Variants in IRS1 observed in about 807,000 individuals in gnomAD.
The protein encoded by IRS1 is insulin receptor substrate 1.
Under a neutral mutation model 65.6 loss-of-function variants are expected in IRS1, and 34 were observed. That is an observed-to-expected ratio of 0.52 (90% confidence interval 0.39 to 0.69). The LOEUF is 0.69. Among genes scored for constraint, IRS1 ranks in the 30% least tolerant of loss-of-function variants. The pLI is 0.00. For missense variants in IRS1, 1,641 were observed against 1,720.2 expected (o/e 0.95, Z 0.81); for synonymous variants, 699 against 683.5 (o/e 1.02, Z -0.35).
intron 1 of IRS1, among the ~76,000 whole-genome samples, chr2:226,764,752 A>G (rs906533634): frequency 8.5e-5 from 13 of 152,134 alleles, no homozygotes; most frequent in African/African-American, 2.9e-4. Flanking sequence ...TCCTCGCGCA[A>G]TTCACCTCTT....
chr2:226,797,204 G>A lies in IRS1; in HGVS notation c.1535C>T (p.Ala512Val), dbSNP rs769456251. 4 of 1,613,818 alleles carry A rather than the reference G, an allele frequency of 2.5e-6. No individual in the cohort carries two copies. The highest frequency in any genetic ancestry group is 3.3e-5 in the Admixed American group (2 of 60,024). The part of the protein sequence containing the change: ...TSPALAGDEA[A>V]SAADLDNRFR... ...CCGATTATCCAGATCTGCAGCACTG[G>A]CTGCTTCATCCCCAGCCAAGGCTGG... Residue 512 changes from alanine (A) to valine (V), a missense_variant, in exon 1 of 2, where the codon GCC becomes GTC. Ala to Val is a moderately conservative substitution (Grantham distance 64). Around this residue, in one of 3 missense-constraint regions of IRS1, gnomAD observed 1,324 missense variants for 1,361.0 expected, o/e 0.97. Coordinates refer to ENST00000305123, the MANE Select transcript of IRS1 (RefSeq NM_005544.3). This position sits in a 1 kb window ranked among gnomAD's most constrained non-coding sequence, Gnocchi z 8.1.
Position 226,796,453 on chromosome 2 carries a change from G to C in IRS1, c.2286C>G (p.Leu762=). The C allele has an allele frequency of 1.2e-6, 2 of 1,613,874 alleles. No homozygotes were observed. Among genetic ancestry groups the C allele is most frequent in the Non-Finnish European group, 1.7e-6 (2 of 1,180,046 alleles). ...AGGATCTTGGCAATGAGTAGTAGGA[G>C]AGGACTGGCTTGTGCTGGGGGTCCT... The part of the protein sequence containing the change: ...GPEDPQHKPV[L]SYYSLPRSFK... Residue 762 remains leucine, a synonymous_variant, in exon 1 of 2, where the codon CTC becomes CTG. Transcript: ENST00000305123.
In IRS1 at chr2:226,798,730, G is replaced by A. The variant is rs1939817639; in HGVS notation, c.9C>T (p.Ser3=). The change falls in exon 1 of 2, where the codon AGC becomes AGT. Residue 3 remains serine (S), a synonymous_variant. Coordinates refer to ENST00000305123, the MANE Select transcript of IRS1 (RefSeq NM_005544.3). This position sits in a 1 kb window ranked among gnomAD's most constrained non-coding sequence, Gnocchi z 9.4. The stretch of plus-strand genomic sequence containing the variant: ...CCGAGAAGCCATCGCTCTCCGGAGG[G>A]CTCGCCATGCTGCCACCGCCACCAC... MA[S]PPESDGFSDV... The A allele has an allele frequency of 1.9e-6, 3 of 1,611,082 alleles. No homozygotes were observed. Among genetic ancestry groups the A allele is most frequent in the African/African-American group, 2.7e-5 (2 of 74,910 alleles).
intron 1 of IRS1, among the ~76,000 whole-genome samples, chr2:226,771,140 C>T (rs1038162720): frequency 6.6e-6 from 1 of 152,014 alleles, no homozygotes; most frequent in African/African-American, 2.4e-5. Context: ...TAAAGGTTAC[C>T]CTATTTTTAT....
chr2:226,756,336 C>T (rs1938800242), intron 1 of IRS1, among the ~76,000 whole-genome samples: 1 of 152,106 alleles, frequency 6.6e-6, no homozygotes, highest in Admixed American at 6.5e-5. Context: ...TGAAACATCC[C>T]TAGTCAGTGA....
chr2:226,773,778 C>T (rs1163140959), intron 1 of IRS1, among the ~76,000 whole-genome samples: 1 of 152,106 alleles, frequency 6.6e-6, no homozygotes, highest in Admixed American at 6.6e-5. Context: ...TCACATCTCC[C>T]CCAGGAAGGC....
chr2:226,761,507 A>G (rs2106167003), intron 1 of IRS1, among the ~76,000 whole-genome samples: 1 of 152,176 alleles, frequency 6.6e-6, no homozygotes, highest in East Asian at 1.9e-4. Flanking sequence ...ATACTTTCCT[A>G]CTTTGCTATA....
chr2:226,766,163 A>ATTTTTTT (rs5839180), intron 1 of IRS1, among the ~76,000 whole-genome samples: 9 of 4,596 alleles, frequency 2.0e-3, no homozygotes, highest in East Asian at 0.013. Context: ...ATATATATAT[A>ATTTTTTT]TTTTTTTTTT....
chr2:226,766,182 G>T (rs1425741439), intron 1 of IRS1, among the ~76,000 whole-genome samples: 5 of 5,528 alleles, frequency 9.0e-4, no homozygotes, highest in East Asian at 7.1e-3. Flanking sequence ...TTTTTTTTTT[G>T]AGACAGGGTC....
At chr2:226,789,329 T>C (rs1461514005) in intron 1 of IRS1, among the ~76,000 whole-genome samples, 2 of 152,198 alleles carry the variant, frequency 1.3e-5, no homozygotes, top group African/African-American at 4.8e-5. Context: ...CTGAATATAT[T>C]GGCAACTCAA....
At chr2:226,741,865 C>T (rs912826111) in intron 1 of IRS1, among the ~76,000 whole-genome samples, 3 of 149,990 alleles carry the variant, frequency 2.0e-5, no homozygotes, top group Non-Finnish European at 4.4e-5. Flanking sequence ...TCTCAAATAC[C>T]TTTATAGTTC....
rs1939708800 is a variant in IRS1 at position 226,795,812 on chromosome 2, C to G, written c.2927G>C (p.Cys976Ser). ...GCTGGGCACTGCCCGGGTAGGCCTG[C>G]AAATGCTAGCAGCCCCGGGAGGTGC... ...GPAPPGAASI[C>S]RPTRAVPSSR... Residue 976 changes from cysteine to serine, a missense_variant, in exon 1 of 2, where the codon TGC (cysteine) becomes TCC (serine). Around this residue, in one of 3 missense-constraint regions of IRS1, gnomAD observed 1,324 missense variants for 1,361.0 expected, o/e 0.97. Coordinates refer to ENST00000305123, the MANE Select transcript of IRS1 (RefSeq NM_005544.3). 1 of 1,612,970 alleles carries G rather than the reference C, an allele frequency of 6.2e-7. No individual in the cohort carries two copies. Among genetic ancestry groups the G allele is most frequent in the African/African-American group, 1.3e-5 (1 of 75,062 alleles).
chr2:226,796,679 T>TTGCTGC lies in IRS1; in HGVS notation c.2054_2059dup (p.Ser685_Ser686dup), dbSNP rs138975702. 3.8e-5 allele frequency: 61 copies of TTGCTGC among 1,610,570 alleles called. 1 individual carries two copies. Among genetic ancestry groups the TTGCTGC allele is most frequent in the South Asian group, 8.8e-5 (8 of 90,740 alleles). ...ATAGCTGGTCCCGGAAGGGACGGCG[T>TTGCTGC]TGCTGCTGCTGCTGCTGCTGCTGGG... On this transcript the variant is annotated inframe_insertion, in exon 1 of 2. Transcript: ENST00000305123.
In IRS1 at chr2:226,796,679, TTGCTGC is replaced by T. The variant is rs138975702; in HGVS notation, c.2054_2059del (p.Ser685_Ser686del). 329 of 1,610,538 alleles carry T rather than the reference TTGCTGC, an allele frequency of 2.0e-4. 3 individuals are homozygous for T. The East Asian group carries it at 5.6e-3, about 28-fold the overall frequency. ...ATAGCTGGTCCCGGAAGGGACGGCG[TTGCTGC>T]TGCTGCTGCTGCTGCTGGGGCCACC... On this transcript the variant is annotated inframe_deletion, in exon 1 of 2. Transcript: ENST00000305123.
At position 226,795,644 on chromosome 2, in the gene IRS1, G is replaced by C; in HGVS notation, c.3095C>G (p.Ala1032Gly). 1 of 1,612,838 alleles carries C rather than the reference G, an allele frequency of 6.2e-7. No individual in the cohort carries two copies. Among genetic ancestry groups the C allele is most frequent in the East Asian group, 2.2e-5 (1 of 44,882 alleles). The change falls in exon 1 of 2, where the codon GCT (alanine) becomes GGT (glycine). Residue 1032 changes from alanine (A) to glycine (G), a missense_variant. By Grantham distance (60) the Ala-to-Gly change is moderately conservative (BLOSUM62 0). This residue lies in a region of IRS1 where 1,324 missense variants were observed against 1,361.0 expected (regional missense o/e 0.97). Transcript: ENST00000305123. ...EEVSLPRATMAAASSSSAASA... is the reference protein window; with the variant it reads ...EEVSLPRATMGAASSSSAASA... ...GGCTGCTGAGGATGAGGAGGCAGCA[G>C]CCATGGTGGCCCTGGGCAGGCTCAC...
intron 1 of IRS1, among the ~76,000 whole-genome samples, chr2:226,761,949 T>C (rs565003659): frequency 1.3e-5 from 2 of 152,348 alleles, no homozygotes; most frequent in South Asian, 2.1e-4. Context: ...CCTCTGGTTA[T>C]TGGATTGCAT....
intron 1 of IRS1, among the ~76,000 whole-genome samples, chr2:226,771,030 T>C (rs1013397783): frequency 1.3e-5 from 2 of 152,168 alleles, no homozygotes; most frequent in Admixed American, 6.5e-5. Flanking sequence ...TTAAAGTTCA[T>C]GTATATATAT....
intron 1 of IRS1, among the ~76,000 whole-genome samples, chr2:226,766,163 A>ATAT (rs58592685): frequency 8.7e-4 from 4 of 4,598 alleles, no homozygotes; most frequent in African/African-American, 1.1e-3. Context: ...ATATATATAT[A>ATAT]TTTTTTTTTT....
rs949833048 is a variant in IRS1 at position 226,796,128 on chromosome 2, A to T, written c.2611T>A (p.Leu871Ile). ...LSLGDPKAST[L>I]PRAREQQQQQ... ...TGCTGCTGCTCTCGGGCCCGAGGTA[A>T]GGTGCTGGCCTTGGGATCCCCCAGG... The change falls in exon 1 of 2, where the codon TTA (leucine) becomes ATA (isoleucine). Residue 871 changes from leucine to isoleucine, a missense_variant. By Grantham distance (5) the Leu-to-Ile change is conservative (BLOSUM62 2). Coordinates refer to ENST00000305123, the MANE Select transcript of IRS1 (RefSeq NM_005544.3). The T allele has an allele frequency of 1.2e-6, 2 of 1,613,514 alleles. No homozygotes were observed. Among genetic ancestry groups the T allele is most frequent in the Admixed American group, 3.3e-5 (2 of 60,004 alleles).
Sources: gnomAD v4.1 joint callset for allele counts (sites outside exome capture counted in the v4.1 genomes callset) on GRCh38, gnomAD v4.1.1 for gene constraint, gnomAD v4.1.1 regional missense constraint, Gnocchi (gnomAD v3.1) non-coding constraint, MANE v1.5 for transcripts, NCBI Gene and HGNC (gene_info 2026-07-23, HGNC 2026-07-21) for gene names.